The following DENND1B variants were observed in gnomAD, a reference collection of about 807,000 sequenced individuals.
The protein encoded by DENND1B is DENN domain-containing protein 1B.
DENND1B carries 59 observed loss-of-function variants against 90.1 expected under a neutral mutation model. The observed-to-expected ratio is 0.65, with a 90% CI of 0.53 to 0.81. The LOEUF (loss-of-function observed/expected upper bound fraction) is 0.81. DENND1B is among the 40% of genes least tolerant of loss of function. The probability of loss-of-function intolerance (pLI) is 0.00; values close to 1 mark genes in which losing one functional copy is unlikely to be tolerated. For missense variants in DENND1B, 862 were observed against 912.6 expected (o/e 0.94, Z 0.71); for synonymous variants, 337 against 324.6 (o/e 1.04, Z -0.41).
chr1:197,592,628 G>C (rs559968817), intron 14 of DENND1B, among the ~76,000 whole-genome samples: 1 of 152,134 alleles, frequency 6.6e-6, no homozygotes, highest in Non-Finnish European at 1.5e-5. Context: ...AAGTAAATGT[G>C]TGGAAGCCTG....
intron 12 of DENND1B, among the ~76,000 whole-genome samples, chr1:197,610,660 A>G (rs1158165768): frequency 6.6e-6 from 1 of 150,880 alleles, no homozygotes; most frequent in Non-Finnish European, 1.5e-5. Context: ...TTACTGATAC[A>G]TTAAATGCTA....
chr1:197,730,704 G>A (rs1266542933), intron 2 of DENND1B, among the ~76,000 whole-genome samples: 3 of 151,796 alleles, frequency 2.0e-5, no homozygotes, highest in Non-Finnish European at 4.4e-5. Context: ...TTTTTCAAAT[G>A]TGCCACACTA....
At chr1:197,779,896 C>T (rs1657385632), upstream of DENND1B, among the ~76,000 whole-genome samples, 1 of 151,958 alleles carries the variant, frequency 6.6e-6, no homozygotes, top group East Asian at 1.9e-4. Flanking sequence ...TTGATTTCTT[C>T]TATGTATGTG....
intron 14 of DENND1B, among the ~76,000 whole-genome samples, chr1:197,588,138 C>T (rs575187657): frequency 9.2e-5 from 14 of 152,312 alleles, no homozygotes; most frequent in African/African-American, 2.4e-4. Flanking sequence ...GCACCCAACC[C>T]AGTACCCTGC....
chr1:197,546,698 G>C (rs1396070908), intron 17 of DENND1B, 35 bp downstream of exon 17: 4 of 1,518,960 alleles, frequency 2.6e-6, no homozygotes, highest in Non-Finnish European at 3.6e-6. Context: ...ATTTATATTA[G>C]AGTGAAAGAA....
At chr1:197,668,550 T>C (rs1400587822) in intron 5 of DENND1B, among the ~76,000 whole-genome samples, 1 of 151,756 alleles carries the variant, frequency 6.6e-6, no homozygotes, top group Non-Finnish European at 1.5e-5. Flanking sequence ...TATACTTTCT[T>C]TTCAAGTATA....
chr1:197,517,916 C>T (rs1301343803), intron 20 of DENND1B, among the ~76,000 whole-genome samples: 3 of 110,852 alleles, frequency 2.7e-5, no homozygotes, highest in Non-Finnish European at 5.8e-5. Context: ...CCCCCAGCCT[C>T]CCCATGTTTT....
chr1:197,645,649 A>T, intron 9 of DENND1B, 41 bp downstream of exon 9: 1 of 1,283,482 alleles, frequency 7.8e-7, no homozygotes, highest in Non-Finnish European at 1.0e-6. Flanking sequence ...AAACAAAATT[A>T]ATAATATAAG....
intron 18 of DENND1B, among the ~76,000 whole-genome samples, chr1:197,545,188 T>C (rs1196019964): frequency 6.6e-6 from 1 of 151,838 alleles, no homozygotes; most frequent in African/African-American, 2.4e-5. Flanking sequence ...GCAGATCACT[T>C]GAGGTCAGGG....
chr1:197,604,753 G>T (rs1280074015), intron 13 of DENND1B, among the ~76,000 whole-genome samples: 2 of 151,126 alleles, frequency 1.3e-5, no homozygotes, highest in East Asian at 2.0e-4. Context: ...AAAAATTTTA[G>T]TAAGATCATT....
chr1:197,608,099 A>G (rs1439776566), intron 12 of DENND1B, among the ~76,000 whole-genome samples: 1 of 150,676 alleles, frequency 6.6e-6, no homozygotes. Flanking sequence ...GTGGTCTACA[A>G]TAATAGTCAT....
chr1:197,550,449 T>C (rs1210670856), intron 16 of DENND1B, among the ~76,000 whole-genome samples: 1 of 152,082 alleles, frequency 6.6e-6, no homozygotes, highest in Non-Finnish European at 1.5e-5. Context: ...TAAGAAAATG[T>C]GGCACATATA....
chr1:197,557,510 G>A (rs773340253), intron 15 of DENND1B, among the ~76,000 whole-genome samples: 18 of 151,848 alleles, frequency 1.2e-4, no homozygotes, highest in Non-Finnish European at 2.4e-4. Flanking sequence ...CTTGTGATTT[G>A]AGCCAACAGA....
In DENND1B at chr1:197,595,115, G is replaced by A. The variant is rs1018698646; in HGVS notation, c.1047+93C>T. On this transcript the variant is annotated intron_variant, in intron 14 of 22. Transcript: ENST00000620048. ...AAAGATTTCCATGATATTTTTTGAA[G>A]GTGTAATATTAAAATGATGTCTCTT... 117 of 1,380,000 alleles carry A rather than the reference G, an allele frequency of 8.5e-5. 1 individual carries two copies. In the Admixed American group the frequency reaches 2.1e-3, roughly 25 times the overall value. The allele number at this position is 1,380,000 out of a possible 1,614,324, so 85.5% of individuals were successfully genotyped here. A position where few individuals can be genotyped will look rare whatever the true frequency, so the allele number is the denominator to read the frequency against.
intron 8 of DENND1B, among the ~76,000 whole-genome samples, chr1:197,646,573 TTAA>T (rs1395369772): frequency 6.6e-5 from 10 of 152,000 alleles, no homozygotes; most frequent in African/African-American, 1.4e-4. Flanking sequence ...AAGGACATAT[TTAA>T]TAATATCTTA....
chr1:197,772,821 C>G lies in DENND1B; in HGVS notation c.82+47G>C, dbSNP rs2477067. On this transcript the variant is annotated intron_variant, in intron 2 of 22. Coordinates refer to ENST00000620048, the MANE Select transcript of DENND1B (RefSeq NM_001195215.2). ...TGAGGAACAGAATGAGATCTTGTCC[C>G]AAAAAAAAGAGACCTTGTCAAATAA... 6 of 1,357,822 alleles carry G rather than the reference C, an allele frequency of 4.4e-6. No homozygotes were observed. In the South Asian group the frequency reaches 8.0e-5, roughly 18 times the overall value. The allele number at this position is 1,357,822 out of a possible 1,614,324, so 84.1% of individuals were successfully genotyped here.
At chr1:197,603,333 G>GT (rs1558294383) in intron 13 of DENND1B, among the ~76,000 whole-genome samples, 55 of 151,124 alleles carry the variant, frequency 3.6e-4, no homozygotes, top group African/African-American at 1.2e-3. Flanking sequence ...TTATATGAAA[G>GT]GGACCATGGT....
chr1:197,673,153 TTAAAA>T lies in DENND1B; in HGVS notation c.176+962_176+966del, dbSNP rs950651226. On this transcript the variant is annotated intron_variant, in intron 4 of 22. Coordinates refer to ENST00000620048, the MANE Select transcript of DENND1B (RefSeq NM_001195215.2). ...AGGTTTTTCTTACACTTTAATAAAC[TTAAAA>T]TAAAAAAAAAACCCTCTAGTGACAA... Among the ~76,000 whole-genome samples the T allele has an allele frequency of 5.9e-5, 9 of 151,774 alleles. No individual in the cohort carries two copies. The East Asian group carries it at 7.7e-4, about 13-fold the overall frequency.
chr1:197,777,366 A>G (rs1442059264), upstream of DENND1B, among the ~76,000 whole-genome samples: 9 of 152,346 alleles, frequency 5.9e-5, no homozygotes, highest in African/African-American at 2.2e-4. Flanking sequence ...CATCGAGGGA[A>G]ATACTACACA....
Sources: gnomAD v4.1 joint callset for allele counts (sites outside exome capture counted in the v4.1 genomes callset) on GRCh38, gnomAD v4.1.1 for gene constraint, MANE v1.5 for transcripts, NCBI Gene and HGNC (gene_info 2026-07-23, HGNC 2026-07-21) for gene names.